MCF2L: variants seen among roughly 807,000 people sequenced by gnomAD.
MCF2L encodes MCF.2 cell line derived transforming sequence like.
MCF2L carries 97 observed loss-of-function variants against 153.4 expected under a neutral mutation model. That is an observed-to-expected ratio of 0.63 (90% CI 0.54 to 0.75). The LOEUF (loss-of-function observed/expected upper bound fraction) is 0.75, where lower values mean the gene tolerates loss of function less well. Among genes scored for constraint, MCF2L ranks in the 30% least tolerant of loss-of-function variants. The pLI, the probability that MCF2L is intolerant of heterozygous loss-of-function variation, is 0.00. For missense variants in MCF2L, 1,347 were observed against 1,495.2 expected (o/e 0.90, Z 1.64); for synonymous variants, 659 against 632.2 (o/e 1.04, Z -0.64).
rs915896940 is a variant in MCF2L, at chr13:112,927,789, C to A, written c.169+25418C>A. ...ATAAACACCTCCAAGGGGGCGTAATCGACAAAACCCACCTCATGTGAAGCT... is the reference window on the plus strand; with the variant it reads ...ATAAACACCTCCAAGGGGGCGTAATAGACAAAACCCACCTCATGTGAAGCT... On this transcript the variant is annotated intron_variant, in intron 2 of 29. Coordinates refer to the MCF2L transcript ENST00000375608. Among the ~76,000 whole-genome samples, 3 of 152,128 alleles carry A rather than the reference C, an allele frequency of 2.0e-5. No individual in the cohort carries two copies. The East Asian group carries it at 5.8e-4, about 29-fold the overall frequency.
At chr13:112,987,498 G>T (rs77882028) in intron 1 of MCF2L, among the ~76,000 whole-genome samples, 36 of 152,212 alleles carry the variant, frequency 2.4e-4, no homozygotes, top group Non-Finnish European at 4.4e-4. Flanking sequence ...TTCTGCAGCC[G>T]CACAGTTGAG....
intron 8 of MCF2L, 141 bp downstream of exon 8, chr13:113,066,311 C>A (rs1363145070): frequency 9.7e-7 from 1 of 1,032,760 alleles, no homozygotes; most frequent in East Asian, 3.0e-5. Context: ...CCAGGGCCAG[C>A]ACAGCAGCCG....
chr13:112,898,580 C>T (rs958682752), intron 1 of MCF2L, among the ~76,000 whole-genome samples: 6 of 152,156 alleles, frequency 3.9e-5, no homozygotes, highest in South Asian at 2.1e-4. Context: ...GCTCCTCCTG[C>T]CCCAGCGCCC....
At chr13:113,096,728 C>G (rs745817945) in intron 29 of MCF2L, 46 bp from the exon 30 acceptor site, 30 of 1,553,146 alleles carry the variant, frequency 1.9e-5, no homozygotes, top group Non-Finnish European at 2.5e-5. Flanking sequence ...CGTGTGTGCC[C>G]GGCAGAGCCG....
At chr13:112,944,883 C>T (rs2081620921) in intron 2 of MCF2L, among the ~76,000 whole-genome samples, 1 of 152,188 alleles carries the variant, frequency 6.6e-6, no homozygotes, top group African/African-American at 2.4e-5. Context: ...GGAGCAAGGT[C>T]TGCCTGATGC....
intron 27 of MCF2L, chr13:113,094,916 C>T: frequency 7.6e-7 from 1 of 1,311,298 alleles, no homozygotes; most frequent in South Asian, 1.2e-5. Context: ...AGCCCCAGCT[C>T]CTCCTAGCTC....
intron 3 of MCF2L, chr13:113,040,677 A>T (rs986108676): frequency 6.5e-6 from 1 of 152,714 alleles, no homozygotes; most frequent in Non-Finnish European, 1.5e-5. Flanking sequence ...CTGCCCTGGG[A>T]CAAAGCATCC....
intron 2 of MCF2L, among the ~76,000 whole-genome samples, chr13:112,935,038 G>A (rs1188861212): frequency 6.6e-6 from 1 of 152,162 alleles, no homozygotes; most frequent in Non-Finnish European, 1.5e-5. Flanking sequence ...CTTAAAATTT[G>A]TATGTTGAAG....
intron 1 of MCF2L, among the ~76,000 whole-genome samples, chr13:112,897,164 C>T (rs2140484151): frequency 6.6e-6 from 1 of 152,346 alleles, no homozygotes; most frequent in Non-Finnish European, 1.5e-5. Context: ...CTGTTCATGG[C>T]AACCCCCGCT....
intron 1 of MCF2L, among the ~76,000 whole-genome samples, chr13:112,979,110 G>A (rs2082311550): frequency 6.6e-6 from 1 of 152,246 alleles, no homozygotes; most frequent in Non-Finnish European, 1.5e-5. Context: ...GAGGAGCTCG[G>A]CAGCAGACGG....
At chr13:112,919,602 G>A (rs980712728) in intron 2 of MCF2L, among the ~76,000 whole-genome samples, 1 of 152,154 alleles carries the variant, frequency 6.6e-6, no homozygotes, top group Non-Finnish European at 1.5e-5. Context: ...GAAACGCCTT[G>A]AGAAAATAGA....
intron 2 of MCF2L, among the ~76,000 whole-genome samples, chr13:112,959,629 C>T (rs2081800184): frequency 6.6e-6 from 1 of 152,160 alleles, no homozygotes; most frequent in Non-Finnish European, 1.5e-5. Context: ...ATGCGTTTGA[C>T]TTCTAGGTTA....
chr13:113,081,891 CAACT>C (rs2034172565), intron 16 of MCF2L, among the ~76,000 whole-genome samples: 1 of 151,666 alleles, frequency 6.6e-6, no homozygotes, highest in African/African-American at 2.4e-5. Flanking sequence ...AGGTGGTGGT[CAACT>C]GAGTGTTGAC....
At chr13:112,965,331 C>T (rs1404292011), upstream of MCF2L, 6 of 152,276 alleles carry the variant, frequency 3.9e-5, no homozygotes, top group African/African-American at 1.4e-4. Flanking sequence ...GTCACATACC[C>T]AGGTGCCATG....
At chr13:112,926,445 G>A (rs2081406159) in intron 2 of MCF2L, among the ~76,000 whole-genome samples, 1 of 151,986 alleles carries the variant, frequency 6.6e-6, no homozygotes, top group African/African-American at 2.4e-5. Flanking sequence ...TCTATACACA[G>A]CGGAGTACTG....
At chr13:113,011,135 G>A (rs1045971767) in intron 1 of MCF2L, among the ~76,000 whole-genome samples, 21 of 152,176 alleles carry the variant, frequency 1.4e-4, no homozygotes, top group African/African-American at 5.1e-4. Context: ...CATGAAGAAC[G>A]GAAGAAGGCC....
Position 113,075,942 on chromosome 13 carries a change from C to T in MCF2L, c.1309-24C>T. ...TCTCACCCTCTCACGGCGTCCTGCC[C>T]TCGGCAATGCTCTGTGTTTCCAGTC... On this transcript the variant is annotated intron_variant, in intron 11 of 29. Coordinates refer to ENST00000535094, the MANE Select transcript of MCF2L (RefSeq NM_001112732.3). 4 of 1,577,324 alleles carry T rather than the reference C, an allele frequency of 2.5e-6. No individual in the cohort carries two copies. The South Asian group carries it at 4.6e-5, about 18-fold the overall frequency.
At chr13:113,032,177 T>A (rs928087040) in intron 3 of MCF2L, among the ~76,000 whole-genome samples, 1 of 152,178 alleles carries the variant, frequency 6.6e-6, no homozygotes, top group Non-Finnish European at 1.5e-5. Flanking sequence ...GTCGTCCCCC[T>A]GCGGTGACCT....
intron 1 of MCF2L, among the ~76,000 whole-genome samples, chr13:112,997,519 C>T (rs983465363): frequency 2.6e-5 from 4 of 152,208 alleles, no homozygotes; most frequent in Admixed American, 6.5e-5. Flanking sequence ...CCTGGTGAGC[C>T]GCGCCCTCTG....
Sources: allele counts gnomAD v4.1 joint callset (sites outside exome capture counted in the v4.1 genomes callset), GRCh38; gene constraint gnomAD v4.1.1; transcripts MANE v1.5; gene names NCBI Gene and HGNC (gene_info 2026-07-23, HGNC 2026-07-21).